DNAH11: variants seen among roughly 807,000 people sequenced by gnomAD.
DNAH11 encodes the protein axonemal beta dynein heavy chain 11.
In DNAH11, 442 loss-of-function variants were observed where a neutral mutation model predicts 526.0. The ratio of observed to expected loss-of-function variants is 0.84; its 90% CI spans 0.78 to 0.91. The LOEUF is 0.91. Ranked by LOEUF, DNAH11 falls within the 40% of genes least tolerant of loss-of-function variation. The pLI is 0.00. For synonymous variants in DNAH11, 2,461 were observed against 1,935.9 expected (o/e 1.27, Z -7.12); for missense variants, 6,989 against 5,448.7 (o/e 1.28, Z -8.90).
chr7:21,564,110 T>A (rs1783568500), intron 5 of DNAH11, 76 bp from the exon 6 acceptor site: 6 of 1,133,906 alleles, frequency 5.3e-6, no homozygotes, highest in Non-Finnish European at 7.4e-6. Flanking sequence ...CGTGGCTCTC[T>A]TCTACATGTA....
intron 54 of DNAH11, among the ~76,000 whole-genome samples, chr7:21,764,465 A>G (rs775299943): frequency 1.4e-5 from 2 of 142,992 alleles, no homozygotes; most frequent in African/African-American, 2.6e-5. Flanking sequence ...TCTAGAGAAG[A>G]GGAAACCAAG....
chr7:21,581,062 G>T (rs563041438), intron 8 of DNAH11, among the ~76,000 whole-genome samples: 27 of 152,302 alleles, frequency 1.8e-4, no homozygotes, highest in African/African-American at 4.8e-4. Flanking sequence ...AATTACTCAC[G>T]TGCTAACTGT....
intron 39 of DNAH11, among the ~76,000 whole-genome samples, chr7:21,706,670 A>C (rs1322687243): frequency 2.6e-5 from 4 of 152,182 alleles, no homozygotes; most frequent in African/African-American, 7.2e-5. Flanking sequence ...ACTTTCTTCT[A>C]GTCTTCACCA....
chr7:21,789,368 A>G (rs1395667243), intron 61 of DNAH11, 26 bp downstream of exon 61: 7 of 1,519,088 alleles, frequency 4.6e-6, no homozygotes, highest in African/African-American at 4.2e-5. Context: ...GACATTGAAA[A>G]GGTTCCCAAG....
intron 36 of DNAH11, among the ~76,000 whole-genome samples, chr7:21,700,164 A>G (rs896877555): frequency 1.3e-5 from 2 of 152,228 alleles, no homozygotes; most frequent in African/African-American, 4.8e-5. Flanking sequence ...GCAAGATTTG[A>G]CTTCAGTTCT....
At chr7:21,760,338 A>C (rs748243750) in intron 54 of DNAH11, among the ~76,000 whole-genome samples, 3 of 152,118 alleles carry the variant, frequency 2.0e-5, no homozygotes, top group Non-Finnish European at 4.4e-5. Context: ...TCTATAGATG[A>C]GTTTAGTGTA....
chr7:21,829,508 CT>C (rs1371321303), intron 65 of DNAH11, among the ~76,000 whole-genome samples: 2 of 152,170 alleles, frequency 1.3e-5, no homozygotes, highest in African/African-American at 4.8e-5. Context: ...CTAATAAAGA[CT>C]CTGGTCTACC....
rs747992492 is a variant in DNAH11, at chr7:21,735,682, T to C, written c.7483T>C (p.Phe2495Leu). ...HTTETARLRYFMELLLEKGKP... is the reference protein window; with the variant it reads ...HTTETARLRYLMELLLEKGKP... ...AACAGAGACAGCTCGTCTTAGATAT[T>C]TCATGGAGTTGTTGCTTGAGAAAGG... is the stretch of plus-strand genomic sequence containing the variant. The change falls in exon 46 of 82, where the codon TTC (phenylalanine) becomes CTC (leucine). Residue 2495 changes from phenylalanine to leucine, a missense_variant. Physicochemically the swap from Phe to Leu is conservative, Grantham distance 22. Coordinates refer to ENST00000409508, the MANE Select transcript of DNAH11 (RefSeq NM_001277115.2). 6.2e-7 allele frequency: 1 copy of C among 1,611,508 alleles called. No individual in the cohort carries two copies.
At chr7:21,771,176 C>T (rs1053266874) in intron 55 of DNAH11, among the ~76,000 whole-genome samples, 1 of 152,178 alleles carries the variant, frequency 6.6e-6, no homozygotes, top group Non-Finnish European at 1.5e-5. Flanking sequence ...TAGATTCTTT[C>T]ACCTGCCCCT....
intron 60 of DNAH11, among the ~76,000 whole-genome samples, chr7:21,788,062 A>G (rs924640024): frequency 6.6e-6 from 1 of 152,106 alleles, no homozygotes; most frequent in Non-Finnish European, 1.5e-5. Flanking sequence ...TCTAACCTAA[A>G]ATTTGTACTT....
chr7:21,603,800 A>G (rs561573674), intron 18 of DNAH11, among the ~76,000 whole-genome samples: 1 of 152,320 alleles, frequency 6.6e-6, no homozygotes, highest in South Asian at 2.1e-4. Context: ...TGAACCTTAA[A>G]CTATATCTCA....
Position 21,655,851 on chromosome 7 carries a change from A to G in DNAH11, c.4964A>G (p.Lys1655Arg), listed in dbSNP as rs371049362. 2.4e-5 allele frequency: 38 copies of G among 1,613,040 alleles called. No individual in the cohort carries two copies. Among genetic ancestry groups the G allele is most frequent in the Non-Finnish European group, 2.6e-5 (31 of 1,179,460 alleles). Residue 1655 changes from lysine (K) to arginine (R), a missense_variant, in exon 29 of 82, where the codon AAA (lysine) becomes AGA (arginine). Transcript: ENST00000409508. ...QPKQVTCHLA[K>R]LFDSIADLQF... is the part of the protein sequence containing the mutation. Reference sequence around the variant, plus strand: ...TTTTAGGTAACATGTCACCTTGCCAAACTTTTCGACAGCATTGCAGATCTG... The same window carrying G: ...TTTTAGGTAACATGTCACCTTGCCAGACTTTTCGACAGCATTGCAGATCTG...
intron 20 of DNAH11, among the ~76,000 whole-genome samples, chr7:21,609,882 C>T (rs1322589621): frequency 6.6e-6 from 1 of 152,050 alleles, no homozygotes; most frequent in African/African-American, 2.4e-5. Context: ...GGAGAGTGGG[C>T]TAGGGAAGGT....
In DNAH11 at chr7:21,797,470, C is replaced by T. The variant is rs144060576; in HGVS notation, c.10027-3667C>T. 9.7e-3 allele frequency among the ~76,000 whole-genome samples: 1,460 copies of T among 150,366 alleles called. 22 individuals carry two copies. Among genetic ancestry groups the T allele is most frequent in the African/African-American group, 0.034 (1,355 of 39,742 alleles). ...GTGACCTCAGGTGATCCGCTCGCCT[C>T]GGCCTCCCAAAATGCTGGGATTAGA... On this transcript the variant is annotated intron_variant, in intron 61 of 81. Coordinates refer to ENST00000409508, the MANE Select transcript of DNAH11 (RefSeq NM_001277115.2).
At chr7:21,676,523 T>A (rs568985747) in intron 30 of DNAH11, among the ~76,000 whole-genome samples, 2 of 152,216 alleles carry the variant, frequency 1.3e-5, no homozygotes, top group African/African-American at 2.4e-5. Context: ...AAGAGTATCA[T>A]CAGAGAAGGT....
At chr7:21,756,854 A>G (rs745363168) in intron 54 of DNAH11, among the ~76,000 whole-genome samples, 5 of 152,106 alleles carry the variant, frequency 3.3e-5, no homozygotes, top group Non-Finnish European at 5.9e-5. Flanking sequence ...ATAATAATTG[A>G]CCTCTTCCGG....
At chr7:21,572,000 T>A (rs941588223) in intron 8 of DNAH11, 27 bp downstream of exon 8, 14 of 1,475,030 alleles carry the variant, frequency 9.5e-6, no homozygotes, top group Non-Finnish European at 1.3e-5. Context: ...GCATTTTCAT[T>A]GCATGGGATC....
At position 21,852,527 on chromosome 7, in the gene DNAH11, C is replaced by G; in HGVS notation, c.10957C>G (p.Leu3653Val). The stretch of plus-strand genomic sequence containing the variant: ...TGAGCTCAAGTATCTGGAAGACGAT[C>G]TCCTTTTGCGCCTTTCTGCGGCAGA... ...KIELKYLEDD[L>V]LLRLSAAEGS... The change falls in exon 67 of 82, where the codon CTC (leucine) becomes GTC (valine). Residue 3653 changes from leucine to valine, a missense_variant. Physicochemically the swap from Leu to Val is conservative, Grantham distance 32. Transcript: ENST00000409508. 6.2e-7 allele frequency: 1 copy of G among 1,613,652 alleles called. No individual in the cohort carries two copies. The highest frequency in any genetic ancestry group is 8.5e-7 in the Non-Finnish European group (1 of 1,179,752).
intron 9 of DNAH11, among the ~76,000 whole-genome samples, chr7:21,585,315 A>G (rs891423426): frequency 6.6e-6 from 1 of 152,158 alleles, no homozygotes; most frequent in East Asian, 1.9e-4. Context: ...ATGAGGGTAA[A>G]CTGCTGCAAG....
Sources: allele counts gnomAD v4.1 joint callset (sites outside exome capture counted in the v4.1 genomes callset), GRCh38; gene constraint gnomAD v4.1.1; transcripts MANE v1.5; gene names NCBI Gene and HGNC (gene_info 2026-07-23, HGNC 2026-07-21).